ZNF518A: variants seen among roughly 807,000 people sequenced by gnomAD.
ZNF518A encodes zinc finger protein 518.
Under a neutral mutation model 102.7 loss-of-function variants are expected in ZNF518A, and 47 were observed. That is an observed-to-expected ratio of 0.46 (90% CI 0.36 to 0.58). The LOEUF (loss-of-function observed/expected upper bound fraction) is 0.58, where lower values mean the gene tolerates loss of function less well. Among genes scored for constraint, ZNF518A ranks in the 20% least tolerant of loss-of-function variants. ZNF518A has a pLI of 0.00. For synonymous variants in ZNF518A, 652 were observed against 594.6 expected (o/e 1.10, Z -1.40); for missense variants, 1,793 against 1,699.8 (o/e 1.05, Z -0.96).
chr10:96,200,017 A>G lies in ZNF518A; in HGVS notation n.36-3557A>G. On this transcript the variant is annotated intron_variant and non_coding_transcript_variant, in intron 1 of 2. Coordinates refer to the ZNF518A transcript ENST00000442635. The surrounding 1 kb of genome is among the most constrained non-coding windows in gnomAD (Gnocchi z 4.3). ...CACTCCAGTGAAACTGCATCATCTC[A>G]AAACAAATAAATAAAATAAAATAAA... is the stretch of plus-strand genomic sequence containing the variant. The G allele has an allele frequency of 8.0e-7, 1 of 1,243,822 alleles. No homozygotes were observed. Among genetic ancestry groups the G allele is most frequent in the Non-Finnish European group, 1.0e-6 (1 of 960,496 alleles). 77.0% of individuals were successfully genotyped at this position (1,243,822 alleles called of 1,614,324 possible).
chr10:96,135,584 A>G (rs1172836815), intron 3 of ZNF518A, among the ~76,000 whole-genome samples: 1 of 152,206 alleles, frequency 6.6e-6, no homozygotes, highest in Non-Finnish European at 1.5e-5. Flanking sequence ...AGTGTCCACT[A>G]TGTACAAGTA....
intron 3 of ZNF518A, among the ~76,000 whole-genome samples, chr10:96,153,166 C>G (rs1476769742): frequency 4.6e-5 from 7 of 152,148 alleles, no homozygotes; most frequent in Non-Finnish European, 8.8e-5. Flanking sequence ...GTTCTGATGC[C>G]CAAGGGCAGG....
downstream of ZNF518A, among the ~76,000 whole-genome samples, chr10:96,165,975 G>A (rs1378233116): frequency 6.6e-6 from 1 of 152,152 alleles, no homozygotes; most frequent in African/African-American, 2.4e-5. Flanking sequence ...AACTGGTGGT[G>A]TAACTCTCAG....
Position 96,158,833 on chromosome 10 carries a change from C to A in ZNF518A, c.2511C>A (p.Gly837=). ...VESSKDFKVQ[G]IFPVPPGSVG... is the part of the protein sequence containing the mutation. ...CTTCGAAAGATTTCAAAGTGCAAGG[C>A]ATCTTCCCAGTTCCACCTGGCAGTG... The change falls in exon 6 of 6, where the codon GGC becomes GGA. Residue 837 remains glycine, a synonymous_variant. Coordinates refer to ENST00000316045, the MANE Select transcript of ZNF518A (RefSeq NM_001330736.2). 1 of 1,613,780 alleles carries A rather than the reference C, an allele frequency of 6.2e-7. No homozygotes were observed. The highest frequency in any genetic ancestry group is 1.3e-5 in the African/African-American group (1 of 75,030).
In ZNF518A at chr10:96,163,154, C is replaced by CT. The variant is rs1187904632; in HGVS notation, c.*2383dup. The CT allele has an allele frequency of 1.2e-5, 2 of 166,970 alleles. No homozygotes were observed. The highest frequency in any genetic ancestry group is 2.4e-5 in the African/African-American group (1 of 41,436). 10.3% of individuals were successfully genotyped at this position (166,970 alleles called of 1,614,324 possible). A position where few individuals can be genotyped will look rare whatever the true frequency, so the allele number is the denominator to read the frequency against. ...TAATGTCGAGATATGTACTTCTTGC[C>CT]TTTAAGTTTTAACAGCCATTTAAAG... On this transcript the variant is annotated 3_prime_UTR_variant, in exon 6 of 6. Transcript: ENST00000316045.
intron 1 of ZNF518A, among the ~76,000 whole-genome samples, chr10:96,132,012 CTT>C (rs57428783): frequency 6.9e-6 from 1 of 144,400 alleles, no homozygotes; most frequent in Non-Finnish European, 1.5e-5. Flanking sequence ...CTTAATACTA[CTT>C]TTTTTTTTTT....
rs782190491 is a variant in ZNF518A, at chr10:96,200,113, G to A, written n.36-3461G>A. On this transcript the variant is annotated intron_variant and non_coding_transcript_variant, in intron 1 of 2. Coordinates refer to the ZNF518A transcript ENST00000442635. The surrounding 1 kb of genome is among the most constrained non-coding windows in gnomAD (Gnocchi z 4.3). ...TGCAATGCCTCTTCAGCAGACTTTCGATCACAGGCTCCAGCATACCATGGC... is the reference window on the plus strand; with the variant it reads ...TGCAATGCCTCTTCAGCAGACTTTCAATCACAGGCTCCAGCATACCATGGC... The A allele has an allele frequency of 5.6e-6, 9 of 1,613,936 alleles. No individual in the cohort carries two copies. The highest frequency in any genetic ancestry group is 6.8e-6 in the Non-Finnish European group (8 of 1,179,978).
chr10:96,198,784 C>T (rs1181781509), intron 1 of ZNF518A, among the ~76,000 whole-genome samples: 2 of 152,206 alleles, frequency 1.3e-5, no homozygotes, highest in East Asian at 1.9e-4. Flanking sequence ...CTGCAACTTC[C>T]GCCTCCTAGG....
rs782292780 is a variant in ZNF518A at position 96,158,782 on chromosome 10, C to T, written c.2460C>T (p.His820=). The stretch of plus-strand genomic sequence containing the variant: ...ATTGTGACCAGTCATTTCAAAAACA[C>T]GAGAGAGAAGGCAAAATTGTTGAAT... ...PLHCDQSFQK[H]EREGKIVESS... Residue 820 remains histidine (H), a synonymous_variant, in exon 6 of 6, where the codon CAC becomes CAT. Coordinates refer to ENST00000316045, the MANE Select transcript of ZNF518A (RefSeq NM_001330736.2). 67 of 1,613,382 alleles carry T rather than the reference C, an allele frequency of 4.2e-5. No homozygotes were observed. Among genetic ancestry groups the T allele is most frequent in the Middle Eastern group, 3.3e-4 (2 of 6,084 alleles).
At chr10:96,188,743 C>A (rs892372882) in intron 1 of ZNF518A, among the ~76,000 whole-genome samples, 2 of 152,160 alleles carry the variant, frequency 1.3e-5, no homozygotes, top group Non-Finnish European at 2.9e-5. Flanking sequence ...TTCCCAAACC[C>A]CTATATACCT....
downstream of ZNF518A, chr10:96,204,188 A>G (rs2083734432): frequency 9.4e-6 from 12 of 1,274,112 alleles, no homozygotes; most frequent in Admixed American, 1.7e-5. Flanking sequence ...CACATCACAA[A>G]TAAATCAATA....
intron 3 of ZNF518A, among the ~76,000 whole-genome samples, chr10:96,147,485 G>T (rs1420111386): frequency 2.6e-5 from 4 of 151,926 alleles, no homozygotes; most frequent in African/African-American, 7.3e-5. Flanking sequence ...CTTTCATTTT[G>T]CTGGAGTATA....
intron 1 of ZNF518A, chr10:96,201,034 G>A: frequency 6.2e-7 from 1 of 1,614,108 alleles, no homozygotes; most frequent in Non-Finnish European, 8.5e-7. Flanking sequence ...CCCATCCACA[G>A]TTGGGTTTCC....
chr10:96,160,039 T>C lies in ZNF518A; in HGVS notation c.3717T>C (p.Cys1239=), dbSNP rs1433560177. The change falls in exon 6 of 6, where the codon TGT becomes TGC. Residue 1239 remains cysteine (C), a synonymous_variant. Coordinates refer to ENST00000316045, the MANE Select transcript of ZNF518A (RefSeq NM_001330736.2). Reference sequence around the variant, plus strand: ...GGGTATTAAGGTGTAAAACAAATTGTAGAATTGAGAGGAACTTCAATAGAA... The same window carrying C: ...GGGTATTAAGGTGTAAAACAAATTGCAGAATTGAGAGGAACTTCAATAGAA... The part of the protein sequence containing the change: ...ESRVLRCKTN[C]RIERNFNRKK... 4 of 1,610,712 alleles carry C rather than the reference T, an allele frequency of 2.5e-6. No individual in the cohort carries two copies. The highest frequency in any genetic ancestry group is 3.4e-6 in the Non-Finnish European group (4 of 1,179,048).
At chr10:96,167,978 A>C (rs75156401), downstream of ZNF518A, among the ~76,000 whole-genome samples, 6,189 of 152,314 alleles carry the variant, frequency 0.041, 241 homozygotes, top group African/African-American at 0.098. Context: ...TCAGTAATGA[A>C]AAATTTGCTC....
chr10:96,131,958 A>G (rs1483450806), intron 1 of ZNF518A, among the ~76,000 whole-genome samples: 2 of 150,074 alleles, frequency 1.3e-5, no homozygotes, highest in African/African-American at 4.9e-5. Context: ...AGTTGTTTAG[A>G]ATTGTTCTCA....
At chr10:96,202,228 AG>A (rs2083662497) in intron 1 of ZNF518A, among the ~76,000 whole-genome samples, 1 of 152,042 alleles carries the variant, frequency 6.6e-6, no homozygotes, top group Non-Finnish European at 1.5e-5. Flanking sequence ...AAGCTTTTGG[AG>A]GGTTTTGAAC....
At chr10:96,187,266 G>A (rs2083276977) in intron 1 of ZNF518A, among the ~76,000 whole-genome samples, 2 of 152,188 alleles carry the variant, frequency 1.3e-5, no homozygotes, top group Non-Finnish European at 2.9e-5. Flanking sequence ...GGGACTAGGA[G>A]GTAATGTTTA....
In ZNF518A at chr10:96,145,370, G is replaced by A. The variant is rs138899717; in HGVS notation, c.-301-9956G>A. 1.7e-4 allele frequency among the ~76,000 whole-genome samples: 26 copies of A among 152,220 alleles called. No homozygotes were observed. The East Asian group carries it at 3.3e-3, about 19-fold the overall frequency. Reference sequence around the variant, plus strand: ...AAGGCGTGAGCCACCGCTCCTGGTCGCATCTTTTTATTTATGTAACAACAC... The same window carrying A: ...AAGGCGTGAGCCACCGCTCCTGGTCACATCTTTTTATTTATGTAACAACAC... On this transcript the variant is annotated intron_variant, in intron 3 of 5. Transcript: ENST00000316045.
Sources: allele counts gnomAD v4.1 joint callset (sites outside exome capture counted in the v4.1 genomes callset), GRCh38; gene constraint gnomAD v4.1.1; non-coding constraint Gnocchi (gnomAD v3.1); transcripts MANE v1.5; gene names NCBI Gene and HGNC (gene_info 2026-07-23, HGNC 2026-07-21).